DNER: variants seen among roughly 807,000 people sequenced by gnomAD.
DNER encodes the protein delta/notch like EGF repeat containing, also known as delta and Notch-like epidermal growth factor-related receptor.
In DNER, 33 loss-of-function variants were observed where a neutral mutation model predicts 78.2. The observed-to-expected ratio is 0.42, with a 90% CI of 0.32 to 0.56. DNER has a LOEUF of 0.56. Ranked by LOEUF, DNER falls within the 20% of genes least tolerant of loss-of-function variation. The pLI, the probability that DNER is intolerant of heterozygous loss-of-function variation, is 0.11. For synonymous variants in DNER, 417 were observed against 384.8 expected (o/e 1.08, Z -0.98); for missense variants, 918 against 975.3 (o/e 0.94, Z 0.78).
intron 6 of DNER, among the ~76,000 whole-genome samples, chr2:229,483,498 A>T (rs1695208950): frequency 6.6e-6 from 1 of 152,240 alleles, no homozygotes; most frequent in Non-Finnish European, 1.5e-5. Context: ...TAAAATGTTT[A>T]GCTGAGTAAT....
chr2:229,367,471 GATGTCTGTAATCCC>G (rs1692377354), intron 11 of DNER, among the ~76,000 whole-genome samples: 1 of 151,970 alleles, frequency 6.6e-6, no homozygotes, highest in African/African-American at 2.4e-5. Flanking sequence ...CGTGGTGGTG[GATGTCTGTAATCCC>G]AGCTACTCGG....
intron 1 of DNER, among the ~76,000 whole-genome samples, chr2:229,697,231 G>A (rs147365249): frequency 3.8e-4 from 58 of 152,316 alleles, no homozygotes; most frequent in Non-Finnish European, 7.2e-4. Flanking sequence ...TATACTAAGT[G>A]AAAGATGCCA....
chr2:229,511,968 A>G (rs1231721761), intron 6 of DNER, among the ~76,000 whole-genome samples: 1 of 152,230 alleles, frequency 6.6e-6, no homozygotes, highest in East Asian at 1.9e-4. Flanking sequence ...GCATTGTTTA[A>G]CCATGCTTGA....
intron 6 of DNER, among the ~76,000 whole-genome samples, chr2:229,500,985 A>G (rs1695609526): frequency 6.6e-6 from 1 of 152,200 alleles, no homozygotes; most frequent in African/African-American, 2.4e-5. Flanking sequence ...GTCATCTACA[A>G]CAACATGAAT....
intron 1 of DNER, among the ~76,000 whole-genome samples, chr2:229,636,839 C>T (rs979273888): frequency 6.6e-6 from 1 of 152,206 alleles, no homozygotes; most frequent in Non-Finnish European, 1.5e-5. Context: ...CCATACAAAC[C>T]TCCCTGACTG....
intron 1 of DNER, among the ~76,000 whole-genome samples, chr2:229,689,583 A>G (rs762076418): frequency 1.3e-5 from 2 of 152,212 alleles, no homozygotes; most frequent in Non-Finnish European, 2.9e-5. Context: ...ACCACCTACC[A>G]GTGTGAAAAT....
chr2:229,678,206 C>G (rs115148052), intron 1 of DNER, among the ~76,000 whole-genome samples: 1 of 152,266 alleles, frequency 6.6e-6, no homozygotes, highest in African/African-American at 2.4e-5. Context: ...CTTGCTACCC[C>G]CTAATTTACT....
intron 1 of DNER, among the ~76,000 whole-genome samples, chr2:229,684,158 G>C (rs963915432): frequency 6.5e-5 from 9 of 138,180 alleles, no homozygotes; most frequent in Non-Finnish European, 1.1e-4. Flanking sequence ...GAGAGAGAGA[G>C]AGAGAGAGAG....
chr2:229,659,115 C>T (rs7576516), intron 1 of DNER, among the ~76,000 whole-genome samples: 56,802 of 151,876 alleles, frequency 0.37, 11,052 homozygotes, highest in East Asian at 0.52. Context: ...CAAGGGTACC[C>T]GGCAGTTTCA....
At chr2:229,667,185 C>T (rs775881350) in intron 1 of DNER, among the ~76,000 whole-genome samples, 1 of 152,152 alleles carries the variant, frequency 6.6e-6, no homozygotes, top group Non-Finnish European at 1.5e-5. Context: ...GATAATGGCT[C>T]CTGTCTGATA....
intron 4 of DNER, among the ~76,000 whole-genome samples, chr2:229,560,358 A>G (rs184309827): frequency 5.9e-5 from 9 of 152,338 alleles, no homozygotes; most frequent in East Asian, 3.9e-4. Context: ...TTAAGACACA[A>G]CAAGTCATTT....
chr2:229,387,913 G>T (rs1559338127), intron 11 of DNER, among the ~76,000 whole-genome samples: 1 of 151,070 alleles, frequency 6.6e-6, no homozygotes, highest in South Asian at 2.1e-4. Flanking sequence ...TCAACACAAA[G>T]ACTCTATTTT....
chr2:229,691,401 T>A (rs772240210), intron 1 of DNER, among the ~76,000 whole-genome samples: 1 of 151,984 alleles, frequency 6.6e-6, no homozygotes, highest in South Asian at 2.1e-4. Context: ...ATCCTTTGAG[T>A]TTCTAGTCCT....
At chr2:229,518,872 C>T (rs1472831835) in intron 5 of DNER, among the ~76,000 whole-genome samples, 1 of 152,062 alleles carries the variant, frequency 6.6e-6, no homozygotes, top group African/African-American at 2.4e-5. Context: ...CAAGAAAATT[C>T]ACTCATTTAA....
chr2:229,604,799 T>A (rs1221217418), intron 1 of DNER, among the ~76,000 whole-genome samples: 1 of 152,202 alleles, frequency 6.6e-6, no homozygotes, highest in Non-Finnish European at 1.5e-5. Flanking sequence ...GTATCCAACT[T>A]CATTTATCTG....
rs187512474 is a variant in DNER at position 229,460,247 on chromosome 2, A to C, written c.1262-12707T>G. Reference sequence around the variant, plus strand: ...AACTCCTTATAAAATCAGAACTCTTAAAATAATTCAGATATCAAATTAAGA... The same window carrying C: ...AACTCCTTATAAAATCAGAACTCTTCAAATAATTCAGATATCAAATTAAGA... On this transcript the variant is annotated intron_variant, in intron 7 of 12. Coordinates refer to ENST00000341772, the MANE Select transcript of DNER (RefSeq NM_139072.4). Among the ~76,000 whole-genome samples the C allele has an allele frequency of 5.9e-4, 90 of 151,738 alleles. 1 individual carries two copies. Among genetic ancestry groups the C allele is most frequent in the African/African-American group, 1.9e-3 (80 of 41,364 alleles).
chr2:229,468,024 GA>G (rs1694840388), intron 7 of DNER, among the ~76,000 whole-genome samples: 1 of 152,176 alleles, frequency 6.6e-6, no homozygotes, highest in African/African-American at 2.4e-5. Context: ...CGACAGCACT[GA>G]ACCTTCCGTT....
At chr2:229,629,603 G>A (rs73093578) in intron 1 of DNER, among the ~76,000 whole-genome samples, 4,486 of 152,272 alleles carry the variant, frequency 0.029, 245 homozygotes, top group African/African-American at 0.1. Flanking sequence ...GTCAGCTGTG[G>A]GGCTTCCAGT....
At chr2:229,565,616 C>A (rs1697091197) in intron 4 of DNER, among the ~76,000 whole-genome samples, 1 of 151,990 alleles carries the variant, frequency 6.6e-6, no homozygotes, top group African/African-American at 2.4e-5. Flanking sequence ...TTTTTTGAAG[C>A]AAAATTTACA....
Sources: allele counts gnomAD v4.1 joint callset (sites outside exome capture counted in the v4.1 genomes callset), GRCh38; gene constraint gnomAD v4.1.1; transcripts MANE v1.5; gene names NCBI Gene and HGNC (gene_info 2026-07-23, HGNC 2026-07-21).